The following PAM variants were observed in gnomAD, a reference collection of about 807,000 sequenced individuals.
PAM encodes peptidyl-glycine alpha-amidating monooxygenase.
In PAM, 72 loss-of-function variants were observed where a neutral mutation model predicts 122.1. That is an observed-to-expected ratio of 0.59 (90% CI 0.49 to 0.72). The LOEUF (loss-of-function observed/expected upper bound fraction) is 0.72. Among genes scored for constraint, PAM ranks in the 30% least tolerant of loss-of-function variants. The probability of loss-of-function intolerance (pLI) is 0.00; values close to 1 mark genes in which losing one functional copy is unlikely to be tolerated. For synonymous variants in PAM, 389 were observed against 404.4 expected (o/e 0.96, Z 0.46); for missense variants, 1,106 against 1,183.7 (o/e 0.93, Z 0.96).
At chr5:102,950,118 C>A in intron 11 of PAM, 140 bp downstream of exon 11, 1 of 570,316 alleles carries the variant, frequency 1.8e-6, no homozygotes, top group Non-Finnish European at 3.2e-6. Context: ...GCTGTATAAC[C>A]TCCTTTTTGC....
chr5:102,868,724 C>T (rs1051585022), intron 3 of PAM, among the ~76,000 whole-genome samples: 1 of 152,088 alleles, frequency 6.6e-6, no homozygotes, highest in Non-Finnish European at 1.5e-5. Context: ...AGCACTCTTT[C>T]CCCACAAGAA....
At chr5:102,874,773 A>G (rs1052642170) in intron 3 of PAM, among the ~76,000 whole-genome samples, 1 of 148,360 alleles carries the variant, frequency 6.7e-6, no homozygotes, top group Non-Finnish European at 1.5e-5. Flanking sequence ...TAAAGGAGAA[A>G]ACATACTTAG....
chr5:102,765,681 T>A (rs548724502), intron 1 of PAM, among the ~76,000 whole-genome samples: 6 of 152,272 alleles, frequency 3.9e-5, no homozygotes, highest in South Asian at 2.1e-4. Flanking sequence ...CCAACATCAG[T>A]ATATTGGCAG....
chr5:102,835,180 C>G (rs1399002877), intron 1 of PAM, among the ~76,000 whole-genome samples: 4 of 152,034 alleles, frequency 2.6e-5, no homozygotes, highest in African/African-American at 9.7e-5. Flanking sequence ...ATTTTCATGC[C>G]TAGCCCTCAA....
chr5:102,847,060 A>G (rs543650042), intron 1 of PAM, among the ~76,000 whole-genome samples: 5 of 152,150 alleles, frequency 3.3e-5, no homozygotes, highest in Admixed American at 3.3e-4. Flanking sequence ...CTTTGATTCT[A>G]CCACTTAGAA....
intron 1 of PAM, among the ~76,000 whole-genome samples, chr5:102,788,216 G>A (rs1023686235): frequency 6.6e-6 from 1 of 152,010 alleles, no homozygotes; most frequent in African/African-American, 2.4e-5. Flanking sequence ...TTAACAAGGT[G>A]TGATAATTTA....
chr5:102,799,621 T>C (rs1271518752), intron 1 of PAM, among the ~76,000 whole-genome samples: 1 of 152,162 alleles, frequency 6.6e-6, no homozygotes, highest in Admixed American at 6.5e-5. Flanking sequence ...ATGAAACGGG[T>C]AATGAACAAA....
intron 1 of PAM, among the ~76,000 whole-genome samples, chr5:102,838,992 C>T (rs1436869544): frequency 6.6e-6 from 1 of 152,090 alleles, no homozygotes; most frequent in Non-Finnish European, 1.5e-5. Flanking sequence ...TCCTAGAAAT[C>T]TTTAAAGAAA....
intron 16 of PAM, among the ~76,000 whole-genome samples, chr5:102,996,543 T>C (rs1238239629): frequency 1.3e-5 from 2 of 152,208 alleles, no homozygotes; most frequent in Non-Finnish European, 2.9e-5. Flanking sequence ...GGAGGGGGAC[T>C]GTGATTTTCT....
chr5:102,821,454 G>C (rs1224474959), intron 1 of PAM, among the ~76,000 whole-genome samples: 1 of 152,002 alleles, frequency 6.6e-6, no homozygotes, highest in Admixed American at 6.5e-5. Context: ...TTCTTTCTGG[G>C]CCAGTTTTAT....
chr5:102,770,291 A>G (rs1057289917), intron 1 of PAM, among the ~76,000 whole-genome samples: 3 of 152,138 alleles, frequency 2.0e-5, no homozygotes, highest in Non-Finnish European at 2.9e-5. Flanking sequence ...TTTTCCAAGT[A>G]TAAGGTCATA....
chr5:103,005,907 C>CTTG (rs80026727), intron 18 of PAM, among the ~76,000 whole-genome samples: 36,307 of 150,818 alleles, frequency 0.24, 4,931 homozygotes, highest in East Asian at 0.44. Flanking sequence ...CTGTTCCTAA[C>CTTG]TTGTTGTTGT....
chr5:102,991,849 T>C (rs754105761), intron 16 of PAM, among the ~76,000 whole-genome samples: 3 of 152,188 alleles, frequency 2.0e-5, no homozygotes, highest in Non-Finnish European at 4.4e-5. Flanking sequence ...CATAGTAGCA[T>C]ATTCTTCATT....
At chr5:103,013,480 A>G (rs995700966) in intron 21 of PAM, among the ~76,000 whole-genome samples, 2 of 152,180 alleles carry the variant, frequency 1.3e-5, no homozygotes, top group African/African-American at 2.4e-5. Context: ...GGATTTTCCA[A>G]ATATCAGATT....
At chr5:102,884,218 A>G (rs1190875098) in intron 3 of PAM, among the ~76,000 whole-genome samples, 1 of 151,838 alleles carries the variant, frequency 6.6e-6, no homozygotes, top group African/African-American at 2.4e-5. Flanking sequence ...CATTGAGAAG[A>G]TCATCTATTA....
intron 1 of PAM, among the ~76,000 whole-genome samples, chr5:102,833,885 A>G (rs1178077396): frequency 6.6e-6 from 1 of 152,176 alleles, no homozygotes; most frequent in Non-Finnish European, 1.5e-5. Context: ...AAGCTGTTAT[A>G]GTGTAATGGC....
intron 14 of PAM, among the ~76,000 whole-genome samples, chr5:102,966,451 T>G (rs1031009338): frequency 6.6e-6 from 1 of 152,128 alleles, no homozygotes; most frequent in Non-Finnish European, 1.5e-5. Flanking sequence ...CTGATTGCTT[T>G]TCAATCAAAT....
chr5:102,811,870 T>C (rs1042464015), intron 1 of PAM, among the ~76,000 whole-genome samples: 18 of 152,234 alleles, frequency 1.2e-4, no homozygotes, highest in Admixed American at 9.8e-4. Flanking sequence ...AACTCAAATG[T>C]TCAAAACTCT....
At chr5:103,016,709 A>C (rs192471273) in intron 21 of PAM, among the ~76,000 whole-genome samples, 2 of 152,292 alleles carry the variant, frequency 1.3e-5, no homozygotes, top group East Asian at 3.9e-4. Flanking sequence ...TGGAGGTAAC[A>C]CTCAATTTCT....
Sources: gnomAD v4.1 joint callset for allele counts (sites outside exome capture counted in the v4.1 genomes callset) on GRCh38, gnomAD v4.1.1 for gene constraint, MANE v1.5 for transcripts, NCBI Gene and HGNC (gene_info 2026-07-23, HGNC 2026-07-21) for gene names.